Variants in GNG12 observed in about 807,000 individuals in gnomAD.
The protein encoded by GNG12 is G protein subunit gamma 12, also known as guanine nucleotide-binding protein G(I)/G(S)/G(O) subunit gamma-12.
For missense variants in GNG12, 69 were observed against 83.8 expected (o/e 0.82, Z 0.69); for synonymous variants, 28 against 29.7 (o/e 0.94, Z 0.19).
chr1:67,779,777 G>T (rs1646726854), intron 1 of GNG12, among the ~76,000 whole-genome samples: 1 of 152,182 alleles, frequency 6.6e-6, no homozygotes, highest in South Asian at 2.1e-4. Context: ...TGAATTGTTA[G>T]GGGACTTCAT....
intron 2 of GNG12, among the ~76,000 whole-genome samples, chr1:67,765,402 CAT>C (rs1169642196): frequency 6.6e-6 from 1 of 152,082 alleles, no homozygotes; most frequent in Non-Finnish European, 1.5e-5. Flanking sequence ...AGATGATAAA[CAT>C]ATTTACCTAC....
At chr1:67,820,632 A>G (rs1277311818) in intron 1 of GNG12, among the ~76,000 whole-genome samples, 1 of 152,168 alleles carries the variant, frequency 6.6e-6, no homozygotes, top group Non-Finnish European at 1.5e-5. Context: ...CGGTGCCATG[A>G]AAAGAGTACT....
intron 1 of GNG12, among the ~76,000 whole-genome samples, chr1:67,787,738 C>A (rs979252660): frequency 6.6e-6 from 1 of 152,194 alleles, no homozygotes; most frequent in Admixed American, 6.5e-5. Flanking sequence ...AGTGAGCAGG[C>A]CTTATTCACA....
At chr1:67,799,990 T>G (rs539364373) in intron 1 of GNG12, among the ~76,000 whole-genome samples, 2 of 152,320 alleles carry the variant, frequency 1.3e-5, no homozygotes, top group East Asian at 3.9e-4. Context: ...GAAAAGTCTT[T>G]TAAGGTATGT....
chr1:67,710,008 A>ATG (rs1213877753), intron 2 of GNG12, among the ~76,000 whole-genome samples: 72 of 46,212 alleles, frequency 1.6e-3, no homozygotes, highest in South Asian at 4.4e-3. Flanking sequence ...AGTTATATAT[A>ATG]TAGTTATATA....
chr1:67,754,455 C>T (rs375470069), intron 2 of GNG12, among the ~76,000 whole-genome samples: 11 of 152,270 alleles, frequency 7.2e-5, no homozygotes, highest in African/African-American at 2.4e-4. Flanking sequence ...GTCCTGCTTA[C>T]GCCACCTCAA....
Position 67,705,331 on chromosome 1 carries a change from A to C in GNG12, c.*120T>G. ...TAGAGACTTCAGAGTCCATTATTCC[A>C]AGCTGAGAACATTTTAGTTATTAGC... On this transcript the variant is annotated 3_prime_UTR_variant, in exon 4 of 4. Coordinates refer to ENST00000370982, the MANE Select transcript of GNG12 (RefSeq NM_018841.6). The C allele has an allele frequency of 2.7e-6, 4 of 1,459,932 alleles. No homozygotes were observed. Among genetic ancestry groups the C allele is most frequent in the Non-Finnish European group, 3.6e-6 (4 of 1,098,926 alleles). The allele number at this position is 1,459,932 out of a possible 1,614,324, so 90.4% of individuals were successfully genotyped here.
chr1:67,789,121 T>C (rs1287382066), intron 1 of GNG12, among the ~76,000 whole-genome samples: 2 of 152,184 alleles, frequency 1.3e-5, no homozygotes, highest in Non-Finnish European at 2.9e-5. Flanking sequence ...ATGAATAAAA[T>C]AGGCGACATG....
intron 2 of GNG12, among the ~76,000 whole-genome samples, chr1:67,769,323 T>C (rs1196409085): frequency 6.6e-6 from 1 of 152,110 alleles, no homozygotes; most frequent in Admixed American, 6.5e-5. Flanking sequence ...GAGGGCACGT[T>C]GGCAGGGAGG....
At chr1:67,737,034 T>C (rs1646456517) in intron 2 of GNG12, among the ~76,000 whole-genome samples, 1 of 152,196 alleles carries the variant, frequency 6.6e-6, no homozygotes. Context: ...AAACCAAGAA[T>C]TGTGGATATT....
At chr1:67,778,367 T>C (rs1286019811) in intron 1 of GNG12, among the ~76,000 whole-genome samples, 1 of 152,148 alleles carries the variant, frequency 6.6e-6, no homozygotes, top group Non-Finnish European at 1.5e-5. Flanking sequence ...GTGGCTACCA[T>C]ACTAGACAGC....
intron 2 of GNG12, among the ~76,000 whole-genome samples, chr1:67,739,570 T>C (rs142053739): frequency 3.1e-3 from 469 of 152,344 alleles, no homozygotes; most frequent in African/African-American, 0.011. Context: ...GGATCAGAGA[T>C]AGCTTTTTGA....
chr1:67,772,426 A>C (rs944097141), intron 2 of GNG12, among the ~76,000 whole-genome samples: 1 of 152,202 alleles, frequency 6.6e-6, no homozygotes, highest in African/African-American at 2.4e-5. Context: ...TCTAATTTCC[A>C]ACCTTTCAAG....
chr1:67,809,911 C>T (rs916256195), intron 1 of GNG12, among the ~76,000 whole-genome samples: 12 of 152,132 alleles, frequency 7.9e-5, no homozygotes, highest in African/African-American at 1.4e-4. Flanking sequence ...ATCCAGTAAT[C>T]GTACAACTTT....
chr1:67,760,443 T>C (rs1173258456), intron 2 of GNG12, among the ~76,000 whole-genome samples: 1 of 152,206 alleles, frequency 6.6e-6, no homozygotes, highest in Non-Finnish European at 1.5e-5. Flanking sequence ...CCACGACACC[T>C]AGTGGCCAGT....
At chr1:67,757,023 T>G (rs984059984) in intron 2 of GNG12, among the ~76,000 whole-genome samples, 1 of 152,196 alleles carries the variant, frequency 6.6e-6, no homozygotes, top group East Asian at 1.9e-4. Context: ...AAGTTGAGTA[T>G]CCCTTATTCA....
intron 2 of GNG12, among the ~76,000 whole-genome samples, chr1:67,738,659 T>C (rs1646465531): frequency 6.6e-6 from 1 of 152,200 alleles, no homozygotes; most frequent in African/African-American, 2.4e-5. Context: ...GGAGGATCAC[T>C]TGAGACCAGG....
Position 67,733,693 on chromosome 1 carries a change from C to T in GNG12, c.-26-25981G>A, listed in dbSNP as rs542128479. ...ATTTGTAAATTTCTGCAATTTCTTT[C>T]CTTCTCCCCAGTGGACTTCCCCCAA... On this transcript the variant is annotated intron_variant, in intron 2 of 3. Transcript: ENST00000370982. Among the ~76,000 whole-genome samples the T allele has an allele frequency of 2.6e-5, 4 of 152,302 alleles. No homozygotes were observed. In the South Asian group the frequency reaches 8.3e-4, roughly 32 times the overall value.
At chr1:67,720,225 T>A (rs1280327701) in intron 2 of GNG12, among the ~76,000 whole-genome samples, 5 of 152,182 alleles carry the variant, frequency 3.3e-5, no homozygotes, top group Non-Finnish European at 5.9e-5. Flanking sequence ...GCACCAAGAT[T>A]CCAAGGGACC....
Sources: gnomAD v4.1 joint callset for allele counts (sites outside exome capture counted in the v4.1 genomes callset) on GRCh38, gnomAD v4.1.1 for gene constraint, MANE v1.5 for transcripts, NCBI Gene and HGNC (gene_info 2026-07-23, HGNC 2026-07-21) for gene names.